Variants in NRIP1 observed in about 807,000 individuals in gnomAD.
The protein encoded by NRIP1 is nuclear receptor-interacting protein 1.
Under a neutral mutation model 75.0 loss-of-function variants are expected in NRIP1, and 28 were observed. The observed-to-expected ratio is 0.37, with a 90% CI of 0.28 to 0.51. The LOEUF (loss-of-function observed/expected upper bound fraction) is 0.51. Ranked by LOEUF, NRIP1 falls within the 20% of genes least tolerant of loss-of-function variation. NRIP1 has a pLI of 0.92. For synonymous variants in NRIP1, 526 were observed against 487.6 expected (o/e 1.08, Z -1.04); for missense variants, 1,435 against 1,343.7 (o/e 1.07, Z -1.06).
intron 3 of NRIP1, chr21:15,002,219 G>T (rs2147120580): frequency 6.6e-6 from 1 of 152,260 alleles, no homozygotes; most frequent in East Asian, 1.9e-4. Context: ...AGGTACACCG[G>T]AGTAATCAAT....
intron 3 of NRIP1, among the ~76,000 whole-genome samples, chr21:15,002,760 C>G (rs2087877512): frequency 6.6e-6 from 1 of 152,108 alleles, no homozygotes; most frequent in African/African-American, 2.4e-5. Context: ...ATGAATTTAT[C>G]ATTTCAGGTA....
At chr21:15,009,333 A>G (rs1166979717) in intron 3 of NRIP1, among the ~76,000 whole-genome samples, 2 of 152,232 alleles carry the variant, frequency 1.3e-5, no homozygotes, top group African/African-American at 4.8e-5. Flanking sequence ...AGAAGCTGCT[A>G]TGTTGTTAAG....
chr21:14,983,967 G>T (rs181102558), intron 3 of NRIP1, among the ~76,000 whole-genome samples: 1 of 152,326 alleles, frequency 6.6e-6, no homozygotes, highest in Admixed American at 6.5e-5. Flanking sequence ...TGTACAAGGA[G>T]ATTAATGTTG....
Position 14,966,767 on chromosome 21 carries a change from G to A in NRIP1, c.1426C>T (p.Pro476Ser), listed in dbSNP as rs765887014. ...SLLNTWDPKVPDVDIKEDQDT... is the reference protein window; with the variant it reads ...SLLNTWDPKVSDVDIKEDQDT... ...TGATCTTCTTTGATATCTACATCTG[G>A]GACTTTTGGATCCCAAGTGTTTAGC... Residue 476 changes from proline to serine, a missense_variant, in exon 4 of 4, where the codon CCA becomes TCA. Pro to Ser is a moderately conservative substitution (Grantham distance 74). Transcript: ENST00000318948. 1.2e-6 allele frequency: 2 copies of A among 1,614,020 alleles called. No individual in the cohort carries two copies. The highest frequency in any genetic ancestry group is 1.7e-6 in the Non-Finnish European group (2 of 1,179,996).
chr21:15,000,206 T>C (rs2087819789), intron 3 of NRIP1, among the ~76,000 whole-genome samples: 1 of 152,092 alleles, frequency 6.6e-6, no homozygotes, highest in Non-Finnish European at 1.5e-5. Flanking sequence ...ATACCTAGAG[T>C]ACTTTCAAAA....
intron 2 of NRIP1, 30 bp from the exon 3 acceptor site, chr21:15,014,496 T>G (rs556891142): frequency 2.5e-6 from 1 of 398,408 alleles, no homozygotes; most frequent in African/African-American, 2.1e-5. Context: ...TAGTTTGGCA[T>G]CTATTCCAAA....
intron 2 of NRIP1, among the ~76,000 whole-genome samples, chr21:15,026,278 A>G (rs947653872): frequency 1.3e-5 from 2 of 152,246 alleles, no homozygotes; most frequent in African/African-American, 4.8e-5. Context: ...GAAAAAACAC[A>G]TGAAAAGATG....
chr21:15,039,872 C>T (rs1196778603), intron 2 of NRIP1, among the ~76,000 whole-genome samples: 9 of 152,050 alleles, frequency 5.9e-5, no homozygotes. Context: ...TAAACACTGG[C>T]TAATTGATTT....
intron 2 of NRIP1, among the ~76,000 whole-genome samples, chr21:15,039,763 GT>G (rs1420674873): frequency 6.6e-6 from 1 of 151,970 alleles, no homozygotes; most frequent in Non-Finnish European, 1.5e-5. Context: ...ATTCTACCTA[GT>G]ATAATAGAAG....
intron 2 of NRIP1, among the ~76,000 whole-genome samples, chr21:15,031,240 G>T (rs1254926669): frequency 5.2e-5 from 6 of 115,474 alleles, no homozygotes; most frequent in South Asian, 3.4e-4. Context: ...CTGGAAGGTG[G>T]TTGGAGGTTC....
At chr21:15,048,666 T>C (rs1297799718) in intron 1 of NRIP1, among the ~76,000 whole-genome samples, 1 of 152,258 alleles carries the variant, frequency 6.6e-6, no homozygotes, top group African/African-American at 2.4e-5. Flanking sequence ...AACCTTATTT[T>C]GACCTTTCTC....
intron 1 of NRIP1, among the ~76,000 whole-genome samples, chr21:15,060,497 C>T (rs1353146968): frequency 6.6e-6 from 1 of 152,054 alleles, no homozygotes; most frequent in African/African-American, 2.4e-5. Flanking sequence ...AGTTCACCAC[C>T]CAAACTTTAG....
chr21:15,042,316 C>T (rs533226700), intron 2 of NRIP1, among the ~76,000 whole-genome samples: 6 of 152,218 alleles, frequency 3.9e-5, no homozygotes, highest in African/African-American at 9.6e-5. Context: ...AGACAGCTGG[C>T]AAAAGTTTTT....
chr21:15,023,115 G>T (rs745413302), intron 2 of NRIP1, among the ~76,000 whole-genome samples: 7 of 152,176 alleles, frequency 4.6e-5, no homozygotes, highest in Non-Finnish European at 1.5e-5. Flanking sequence ...CTCCTTTTAA[G>T]ATCATGAAAC....
At position 14,966,030 on chromosome 21, in the gene NRIP1, G is replaced by T; in HGVS notation, c.2163C>A (p.Asn721Lys). Reference sequence around the variant, plus strand: ...TCTCTTTTTTTTCACTCTTCCCTTTGTTGGGGTTCCCCAGGAGCAACTGGA... The same window carrying T: ...TCTCTTTTTTTTCACTCTTCCCTTTTTTGGGGTTCCCCAGGAGCAACTGGA... ...TVLQLLLGNPNKGKSEKKEKT... is the reference protein window; with the variant it reads ...TVLQLLLGNPKKGKSEKKEKT... The change falls in exon 4 of 4, where the codon AAC becomes AAA. Residue 721 changes from asparagine to lysine, a missense_variant. Coordinates refer to ENST00000318948, the MANE Select transcript of NRIP1 (RefSeq NM_003489.4). 2 of 1,611,354 alleles carry T rather than the reference G, an allele frequency of 1.2e-6. No homozygotes were observed. The highest frequency in any genetic ancestry group is 1.7e-6 in the Non-Finnish European group (2 of 1,179,414).
intron 2 of NRIP1, among the ~76,000 whole-genome samples, chr21:15,016,633 C>T (rs1053843680): frequency 6.6e-6 from 1 of 152,136 alleles, no homozygotes; most frequent in African/African-American, 2.4e-5. Flanking sequence ...ACCTGTAATC[C>T]CAGCACTTTG....
intron 3 of NRIP1, among the ~76,000 whole-genome samples, chr21:14,986,619 G>A (rs1392913738): frequency 1.3e-5 from 2 of 152,136 alleles, no homozygotes; most frequent in African/African-American, 2.4e-5. Context: ...GAAACCTAGT[G>A]TTCTAAAATG....
chr21:14,967,590 C>A lies in NRIP1; in HGVS notation c.603G>T (p.Thr201=). Reference sequence around the variant, plus strand: ...GGTTTTTAGTCACATCAGGAAGATTCGTATCAGGCTTTTGATCTTTAACTT... The same window carrying A: ...GGTTTTTAGTCACATCAGGAAGATTAGTATCAGGCTTTTGATCTTTAACTT... ...KSKVKDQKPD[T]NLPDVTKNLI... The change falls in exon 4 of 4, where the codon ACG becomes ACT. Residue 201 remains threonine, a synonymous_variant. Transcript: ENST00000318948. 2 of 1,613,998 alleles carry A rather than the reference C, an allele frequency of 1.2e-6. No individual in the cohort carries two copies. The highest frequency in any genetic ancestry group is 1.7e-6 in the Non-Finnish European group (2 of 1,179,974).
chr21:14,965,798 C>T lies in NRIP1; in HGVS notation c.2395G>A (p.Glu799Lys), dbSNP rs140352316. 42 of 1,613,836 alleles carry T rather than the reference C, an allele frequency of 2.6e-5. No individual in the cohort carries two copies. The highest frequency in any genetic ancestry group is 2.5e-4 in the African/African-American group (19 of 74,886). ...QRSAPALPVS[E>K]DFKSEPVSPQ... Reference sequence around the variant, plus strand: ...GAAACAGGCTCCGATTTAAAGTCTTCGGACACTGGTAAGGCAGGTGCGCTT... The same window carrying T: ...GAAACAGGCTCCGATTTAAAGTCTTTGGACACTGGTAAGGCAGGTGCGCTT... The change falls in exon 4 of 4, where the codon GAA becomes AAA. Residue 799 changes from glutamate to lysine, a missense_variant. Transcript: ENST00000318948.
Sources: allele counts gnomAD v4.1 joint callset (sites outside exome capture counted in the v4.1 genomes callset), GRCh38; gene constraint gnomAD v4.1.1; transcripts MANE v1.5; gene names NCBI Gene and HGNC (gene_info 2026-07-23, HGNC 2026-07-21).